The following PAX8 variants were observed in gnomAD, a reference collection of about 807,000 sequenced individuals.
PAX8 encodes paired box 8, also known as paired box protein Pax-8.
Under a neutral mutation model 52.4 loss-of-function variants are expected in PAX8, and 15 were observed. The ratio of observed to expected loss-of-function variants is 0.29; its 90% CI spans 0.19 to 0.44. The LOEUF is 0.44. Ranked by LOEUF, PAX8 falls within the 20% of genes least tolerant of loss-of-function variation. The pLI, the probability that PAX8 is intolerant of heterozygous loss-of-function variation, is 1.00. For synonymous variants in PAX8, 284 were observed against 249.7 expected, an observed-to-expected ratio of 1.14 and a Z score of -1.29; for missense variants, 554 against 602.5, an observed-to-expected ratio of 0.92 and a Z score of 0.84.
At chr2:113,245,663 A>G (rs1455712495) in intron 3 of PAX8, among the ~76,000 whole-genome samples, 1 of 152,160 alleles carries the variant, frequency 6.6e-6, no homozygotes, top group Non-Finnish European at 1.5e-5. Context: ...CGCCTGTGTC[A>G]GCATATCCTC....
At chr2:113,231,976 C>T (rs1239732553) in intron 9 of PAX8, among the ~76,000 whole-genome samples, 1 of 152,222 alleles carries the variant, frequency 6.6e-6, no homozygotes, top group East Asian at 1.9e-4. Context: ...GATCCACCCA[C>T]CTTGGCCTCC....
intron 7 of PAX8, chr2:113,236,989 TG>T: frequency 2.0e-6 from 1 of 502,608 alleles, no homozygotes; most frequent in South Asian, 2.8e-5. Context: ...ACACCCTGGT[TG>T]GATGGCTGGT....
chr2:113,244,526 C>T lies in PAX8; in HGVS notation c.290G>A (p.Arg97His), dbSNP rs777910954. The T allele has an allele frequency of 1.9e-6, 3 of 1,614,094 alleles. No individual in the cohort carries two copies. The highest frequency in any genetic ancestry group is 1.1e-5 in the South Asian group (1 of 91,082). ...CCAGGCAAACATGGTAGGGTTCTGGCGTTTGTAGTCCCCAATCTTCTCCAC... is the reference window on the plus strand; with the variant it reads ...CCAGGCAAACATGGTAGGGTTCTGGTGTTTGTAGTCCCCAATCTTCTCCAC... Reference protein sequence around the residue: ...KVVEKIGDYKRQNPTMFAWEI... With the variant: ...KVVEKIGDYKHQNPTMFAWEI... Residue 97 changes from arginine to histidine, a missense_variant, in exon 4 of 12, where the codon CGC becomes CAC. By Grantham distance (29) the Arg-to-His change is conservative. Around this residue, in one of 2 missense-constraint regions of PAX8, gnomAD observed 109 missense variants for 192.7 expected, o/e 0.57. Coordinates refer to ENST00000429538, the MANE Select transcript of PAX8 (RefSeq NM_003466.4).
At chr2:113,247,654 C>T (rs1022998948) in intron 2 of PAX8, among the ~76,000 whole-genome samples, 3 of 152,236 alleles carry the variant, frequency 2.0e-5, no homozygotes, top group Non-Finnish European at 2.9e-5. Context: ...TGTGTGTACA[C>T]GTTCCCTTAG....
At chr2:113,247,226 C>T (rs1446415626) in intron 2 of PAX8, among the ~76,000 whole-genome samples, 1 of 152,226 alleles carries the variant, frequency 6.6e-6, no homozygotes, top group African/African-American at 2.4e-5. Flanking sequence ...TCTTCCCTCC[C>T]TCTGAAAAGT....
intron 7 of PAX8, chr2:113,239,172 A>T (rs1690611524): frequency 1.3e-5 from 2 of 151,394 alleles, no homozygotes; most frequent in African/African-American, 4.9e-5. Flanking sequence ...GCTTCAAGCG[A>T]TTCTCCTGTC....
At chr2:113,254,332 C>G (rs1472883798) in intron 2 of PAX8, among the ~76,000 whole-genome samples, 1 of 152,104 alleles carries the variant, frequency 6.6e-6, no homozygotes, top group African/African-American at 2.4e-5. Flanking sequence ...AAAGTAAATA[C>G]AGAAATAAAT....
intron 2 of PAX8, chr2:113,268,845 C>T (rs1402353337): frequency 2.0e-5 from 3 of 152,458 alleles, no homozygotes; most frequent in Non-Finnish European, 4.4e-5. Context: ...AGCTATGTCA[C>T]TGTAAGCAGG....
Position 113,227,227 on chromosome 2 carries a change from C to T in PAX8, c.1117G>A (p.Gly373Arg), listed in dbSNP as rs1018310770. The T allele has an allele frequency of 6.8e-6, 11 of 1,610,770 alleles. No homozygotes were observed. Among genetic ancestry groups the T allele is most frequent in the African/African-American group, 1.3e-5 (1 of 75,010 alleles). ...CTGGTGGGGATGTGGGGTGGGTATC[C>T]GGGCAGCGTGGGCCCCACCATCTCT... is the stretch of plus-strand genomic sequence containing the variant. ...GREMVGPTLP[G>R]YPPHIPTSGQ... Residue 373 changes from glycine (G) to arginine (R), a missense_variant, in exon 10 of 12, where the codon GGA (glycine) becomes AGA (arginine). Transcript: ENST00000429538.
At position 113,224,819 on chromosome 2, in the gene PAX8, AAAAATAAAATAAAATAAAATAT is replaced by A. The variant is rs1689461227; in HGVS notation, c.1189+2314_1189+2335del. ...AATAAAATAAAATAAAATAAAATAA[AAAAATAAAATAAAATAAAATAT>A]AAAATAAAATAAAATAAAATAAAAT... On this transcript the variant is annotated intron_variant, in intron 10 of 11. Coordinates refer to ENST00000429538, the MANE Select transcript of PAX8 (RefSeq NM_003466.4). Among the ~76,000 whole-genome samples, 3 of 146,472 alleles carry A rather than the reference AAAAATAAAATAAAATAAAATAT, an allele frequency of 2.0e-5. No homozygotes were observed. The South Asian group carries it at 6.3e-4, about 31-fold the overall frequency.
At chr2:113,252,042 G>A (rs1309117770) in intron 2 of PAX8, among the ~76,000 whole-genome samples, 1 of 152,238 alleles carries the variant, frequency 6.6e-6, no homozygotes, top group East Asian at 1.9e-4. Flanking sequence ...CAAATCCCAT[G>A]CTTCAGTACT....
At chr2:113,273,183 C>G (rs1181246147) in intron 2 of PAX8, 2 of 152,274 alleles carry the variant, frequency 1.3e-5, no homozygotes, top group African/African-American at 4.8e-5. Flanking sequence ...GTAAACACAT[C>G]CATGCACCAG....
At chr2:113,264,825 AG>A (rs1316617570) in intron 2 of PAX8, among the ~76,000 whole-genome samples, 2 of 152,098 alleles carry the variant, frequency 1.3e-5, no homozygotes, top group Non-Finnish European at 2.9e-5. Context: ...AGGGAGTGGG[AG>A]TGGGAAGGGT....
At chr2:113,275,574 G>A (rs991777460) in intron 2 of PAX8, 9 of 152,164 alleles carry the variant, frequency 5.9e-5, no homozygotes, top group Non-Finnish European at 8.8e-5. Flanking sequence ...ACTATTTTCG[G>A]GACTGGTGGG....
At chr2:113,264,391 T>C (rs1692906086) in intron 2 of PAX8, among the ~76,000 whole-genome samples, 1 of 152,200 alleles carries the variant, frequency 6.6e-6, no homozygotes, top group South Asian at 2.1e-4. Context: ...TTGCCAATTA[T>C]TATAAAGAAA....
At chr2:113,252,454 A>T (rs1691847626) in intron 2 of PAX8, among the ~76,000 whole-genome samples, 1 of 152,142 alleles carries the variant, frequency 6.6e-6, no homozygotes, top group Non-Finnish European at 1.5e-5. Flanking sequence ...ACTGCTCCTG[A>T]AGAAAGTGTC....
intron 2 of PAX8, chr2:113,268,860 T>G (rs1693274443): frequency 6.6e-6 from 1 of 152,372 alleles, no homozygotes; most frequent in Non-Finnish European, 1.5e-5. Flanking sequence ...AGCAGGACCC[T>G]TGAAAGCAGG....
At chr2:113,219,862 A>G (rs1319466805) in intron 11 of PAX8, among the ~76,000 whole-genome samples, 1 of 152,152 alleles carries the variant, frequency 6.6e-6, no homozygotes, top group African/African-American at 2.4e-5. Flanking sequence ...TGGGCTTGAG[A>G]AGCAGGAGGG....
rs1402172401 is a variant in PAX8 at position 113,244,478 on chromosome 2, G to A, written c.338C>T (p.Ala113Val). 10 of 1,614,018 alleles carry A rather than the reference G, an allele frequency of 6.2e-6. No homozygotes were observed. In the African/African-American group the frequency reaches 1.2e-4, roughly 19 times the overall value. Residue 113 changes from alanine to valine, a missense_variant, in exon 4 of 12, where the codon GCT becomes GTT. Physicochemically the swap from Ala to Val is moderately conservative, Grantham distance 64. Coordinates refer to ENST00000429538, the MANE Select transcript of PAX8 (RefSeq NM_003466.4). ...FAWEIRDRLL[A>V]EGVCDNDTVP... ...AGTGTCATTGTCACAGACGCCCTCA[G>A]CCAGGAGCCGGTCTCGGATCTCCCA...
Sources: allele counts gnomAD v4.1 joint callset (sites outside exome capture counted in the v4.1 genomes callset), GRCh38; gene constraint gnomAD v4.1.1; regional missense constraint gnomAD v4.1.1; transcripts MANE v1.5; gene names NCBI Gene and HGNC (gene_info 2026-07-23, HGNC 2026-07-21).